Variants in AK9 observed in about 807,000 individuals in gnomAD.
AK9 encodes the protein adenylate kinase 9.
Under a neutral mutation model 239.6 loss-of-function variants are expected in AK9, and 191 were observed. The ratio of observed to expected loss-of-function variants is 0.80; its 90% CI spans 0.71 to 0.90. AK9 has a LOEUF of 0.90. Ranked by LOEUF, AK9 falls within the 40% of genes least tolerant of loss-of-function variation. AK9 has a pLI of 0.00. For synonymous variants in AK9, 689 were observed against 721.0 expected (o/e 0.96, Z 0.71); for missense variants, 1,995 against 2,214.7 (o/e 0.90, Z 1.99).
chr6:109,636,801 T>C (rs887761882), intron 10 of AK9, among the ~76,000 whole-genome samples: 7 of 123,806 alleles, frequency 5.7e-5, no homozygotes, highest in Non-Finnish European at 3.4e-5. Context: ...TATCAGTTCA[T>C]CCATTGATGG....
chr6:109,629,723 C>A (rs1402991184), intron 12 of AK9, among the ~76,000 whole-genome samples: 1 of 152,008 alleles, frequency 6.6e-6, no homozygotes, highest in Non-Finnish European at 1.5e-5. Context: ...AGCTCCGCCT[C>A]CCGGGTTCAC....
At chr6:109,543,912 A>C (rs1783202217) in intron 26 of AK9, among the ~76,000 whole-genome samples, 1 of 152,024 alleles carries the variant, frequency 6.6e-6, no homozygotes, top group Admixed American at 6.5e-5. Flanking sequence ...TGAAGTCTGG[A>C]GTTTGAGACC....
At chr6:109,518,003 T>C (rs1465923322) in intron 29 of AK9, among the ~76,000 whole-genome samples, 1 of 152,100 alleles carries the variant, frequency 6.6e-6, no homozygotes, top group East Asian at 1.9e-4. Context: ...CAAAGGACTG[T>C]AATCCTAAAT....
At chr6:109,567,804 G>C (rs1464333976) in intron 21 of AK9, among the ~76,000 whole-genome samples, 1 of 148,892 alleles carries the variant, frequency 6.7e-6, no homozygotes, top group Non-Finnish European at 1.5e-5. Context: ...AATGGGTGCA[G>C]CACACCAACA....
chr6:109,587,283 C>T (rs1339432579), intron 17 of AK9, among the ~76,000 whole-genome samples: 3 of 152,112 alleles, frequency 2.0e-5, no homozygotes, highest in Non-Finnish European at 4.4e-5. Context: ...AATTTTCAAA[C>T]AATTTTACAA....
chr6:109,605,231 T>C (rs1245449613), intron 17 of AK9, among the ~76,000 whole-genome samples: 4 of 151,938 alleles, frequency 2.6e-5, no homozygotes, highest in African/African-American at 9.7e-5. Flanking sequence ...AGCCCAGGAG[T>C]TTGAGAACAG....
intron 12 of AK9, among the ~76,000 whole-genome samples, chr6:109,630,468 C>G (rs1219121502): frequency 6.6e-6 from 1 of 152,270 alleles, no homozygotes; most frequent in East Asian, 1.9e-4. Flanking sequence ...AGACCTTGCT[C>G]TACTTGACAT....
chr6:109,617,233 T>C (rs1478951984), intron 13 of AK9, among the ~76,000 whole-genome samples: 1 of 152,114 alleles, frequency 6.6e-6, no homozygotes, highest in East Asian at 1.9e-4. Flanking sequence ...ATAATATTAA[T>C]ACAATCCTCC....
intron 27 of AK9, 131 bp downstream of exon 27, chr6:109,541,916 A>G: frequency 1.3e-6 from 1 of 793,660 alleles, no homozygotes; most frequent in Non-Finnish European, 1.9e-6. Context: ...GTGTATCTCA[A>G]GTGAAAAATC....
Position 109,556,521 on chromosome 6 carries a change from C to T in AK9, c.2752-6219G>A, listed in dbSNP as rs560601929. Among the ~76,000 whole-genome samples the T allele has an allele frequency of 1.6e-4, 24 of 152,120 alleles. No individual in the cohort carries two copies. In the East Asian group the frequency reaches 4.7e-3, roughly 30 times the overall value. On this transcript the variant is annotated intron_variant, in intron 24 of 40. Transcript: ENST00000424296. The stretch of plus-strand genomic sequence containing the variant: ...TCTCATGGAGTATCTTAATGGTGTT[C>T]TCTGTATTTCCTGAATTTGAATGTT...
At chr6:109,640,730 C>A (rs927260812) in intron 10 of AK9, among the ~76,000 whole-genome samples, 3 of 151,976 alleles carry the variant, frequency 2.0e-5, no homozygotes, top group African/African-American at 7.3e-5. Context: ...AAAATAATTT[C>A]TACTCATTTA....
At chr6:109,597,030 C>T (rs572809632) in intron 17 of AK9, among the ~76,000 whole-genome samples, 6 of 152,190 alleles carry the variant, frequency 3.9e-5, no homozygotes, top group African/African-American at 1.2e-4. Flanking sequence ...TATTATAACA[C>T]TGTGAAGAAA....
intron 17 of AK9, among the ~76,000 whole-genome samples, chr6:109,596,611 G>A (rs1791067295): frequency 6.6e-6 from 1 of 152,162 alleles, no homozygotes; most frequent in East Asian, 1.9e-4. Flanking sequence ...TGTGCCTAAT[G>A]CCTAGAAATA....
chr6:109,524,816 T>C (rs558494482), intron 29 of AK9, among the ~76,000 whole-genome samples: 32 of 152,272 alleles, frequency 2.1e-4, no homozygotes, highest in African/African-American at 7.5e-4. Flanking sequence ...GGGTTGGAGA[T>C]GGGTGGGGCA....
chr6:109,493,696 A>G (rs1562310470), intron 40 of AK9, 125 bp from the exon 41 acceptor site: 1 of 887,382 alleles, frequency 1.1e-6, no homozygotes, highest in Non-Finnish European at 1.7e-6. Context: ...CAAATCCCAA[A>G]TAAAATCTGG....
chr6:109,629,951 C>A (rs1795949167), intron 12 of AK9, among the ~76,000 whole-genome samples: 1 of 151,994 alleles, frequency 6.6e-6, no homozygotes, highest in Admixed American at 6.5e-5. Context: ...ATGATGTTTG[C>A]ACATTAAAAA....
intron 19 of AK9, among the ~76,000 whole-genome samples, chr6:109,582,213 A>G (rs138030606): frequency 9.2e-5 from 14 of 152,352 alleles, no homozygotes; most frequent in Non-Finnish European, 2.1e-4. Context: ...AACGCAGCCC[A>G]TGGATCAAAG....
intron 28 of AK9, among the ~76,000 whole-genome samples, chr6:109,532,827 T>C (rs1469889542): frequency 6.6e-6 from 1 of 152,178 alleles, no homozygotes; most frequent in African/African-American, 2.4e-5. Flanking sequence ...CTCCTCAGAA[T>C]GTAGGTTTAG....
At chr6:109,499,606 A>AT (rs998389417) in intron 35 of AK9, among the ~76,000 whole-genome samples, 28 of 147,962 alleles carry the variant, frequency 1.9e-4, no homozygotes, top group South Asian at 4.3e-4. Context: ...AATTTACCTA[A>AT]TTTTTTTTTT....
Sources: allele counts gnomAD v4.1 joint callset (sites outside exome capture counted in the v4.1 genomes callset), GRCh38; gene constraint gnomAD v4.1.1; transcripts MANE v1.5; gene names NCBI Gene and HGNC (gene_info 2026-07-23, HGNC 2026-07-21).